Variants in ARL3 observed in about 807,000 individuals in gnomAD.
ARL3 encodes ADP-ribosylation factor-like protein 3.
A neutral mutation model predicts 26.0 loss-of-function variants in ARL3; 9 were observed. The observed-to-expected ratio is 0.35, with a 90% CI of 0.21 to 0.60. The LOEUF is 0.60. Among genes scored for constraint, ARL3 ranks in the 20% least tolerant of loss-of-function variants. The pLI is 0.78. For synonymous variants in ARL3, 71 were observed against 78.4 expected (o/e 0.91, Z 0.50); for missense variants, 158 against 215.7 (o/e 0.73, Z 1.67).
intron 2 of ARL3, 22 bp downstream of exon 2, chr10:102,705,324 C>A: frequency 1.3e-6 from 2 of 1,533,314 alleles, no homozygotes; most frequent in Non-Finnish European, 1.8e-6. Flanking sequence ...CACACGGCAT[C>A]TGGAGCCAAG....
intron 5 of ARL3, among the ~76,000 whole-genome samples, chr10:102,679,911 G>A (rs2064146958): frequency 6.6e-6 from 1 of 152,108 alleles, no homozygotes; most frequent in African/African-American, 2.4e-5. Flanking sequence ...TGCTTCTTAT[G>A]TTTAAATAAA....
intron 3 of ARL3, among the ~76,000 whole-genome samples, chr10:102,698,547 GCAA>G (rs1202705846): frequency 6.6e-6 from 1 of 152,180 alleles, no homozygotes; most frequent in African/African-American, 2.4e-5. Context: ...GTATGATTAT[GCAA>G]GTATGTGGCT....
intron 3 of ARL3, among the ~76,000 whole-genome samples, chr10:102,698,371 G>A (rs1341276203): frequency 6.6e-6 from 1 of 152,006 alleles, no homozygotes; most frequent in African/African-American, 2.4e-5. Flanking sequence ...ACCACACCTG[G>A]TCTAGATGAT....
intron 5 of ARL3, among the ~76,000 whole-genome samples, chr10:102,681,755 G>A (rs2064157135): frequency 6.6e-6 from 1 of 152,190 alleles, no homozygotes; most frequent in Middle Eastern, 3.2e-3. Context: ...ATGGCTAGAG[G>A]TCAGGTTAAA....
intron 1 of ARL3, among the ~76,000 whole-genome samples, chr10:102,709,757 G>A (rs1199081832): frequency 6.6e-6 from 1 of 152,052 alleles, no homozygotes; most frequent in Non-Finnish European, 1.5e-5. Context: ...ATAAGGCTGA[G>A]TGCAGTGGCT....
intron 3 of ARL3, among the ~76,000 whole-genome samples, chr10:102,691,096 T>G (rs149513633): frequency 2.0e-5 from 3 of 152,142 alleles, no homozygotes; most frequent in Non-Finnish European, 4.4e-5. Context: ...AGTCAATATT[T>G]TAGCCTCTGT....
At chr10:102,701,200 TA>T (rs945522943) in intron 2 of ARL3, among the ~76,000 whole-genome samples, 17 of 152,170 alleles carry the variant, frequency 1.1e-4, no homozygotes, top group African/African-American at 3.6e-4. Context: ...GAATTTTTTT[TA>T]AAGTCTTCTT....
chr10:102,712,466 C>T (rs1252193905), intron 1 of ARL3, among the ~76,000 whole-genome samples: 2 of 152,028 alleles, frequency 1.3e-5, no homozygotes, highest in East Asian at 3.9e-4. Context: ...TCTTATTGTT[C>T]ATCTTAGGAA....
At chr10:102,677,954 G>C (rs992196052) in intron 5 of ARL3, among the ~76,000 whole-genome samples, 4 of 151,982 alleles carry the variant, frequency 2.6e-5, no homozygotes, top group African/African-American at 9.7e-5. Context: ...GAACAGCTGA[G>C]ACAGCTTACA....
chr10:102,699,367 A>T lies in ARL3; in HGVS notation c.264+6T>A, dbSNP rs2064266007. 6.6e-7 allele frequency: 1 copy of T among 1,525,582 alleles called. No homozygotes were observed. The highest frequency in any genetic ancestry group is 9.1e-7 in the Non-Finnish European group (1 of 1,099,860). 94.5% of individuals were successfully genotyped at this position (1,525,582 alleles called of 1,614,324 possible). On this transcript the variant is annotated splice_donor_region_variant and intron_variant, in intron 3 of 5. Transcript: ENST00000260746. ...TATGAATTAGTGCGTCAGAAGGAGT[A>T]CTTACAAGAATATCGGTATTTTCAA...
chr10:102,706,279 G>A (rs1272384863), intron 1 of ARL3, among the ~76,000 whole-genome samples: 1 of 152,086 alleles, frequency 6.6e-6, no homozygotes, highest in Non-Finnish European at 1.5e-5. Context: ...GTGAAACCCT[G>A]TCTCTACAAA....
chr10:102,674,885 T>G lies in ARL3; in HGVS notation c.*2009A>C, dbSNP rs1179469695. ...CTGCTAGGAGAGGCCTTGGGATGGC[T>G]CTTTAAAACAGTCCCCTAAGTTGGT... On this transcript the variant is annotated 3_prime_UTR_variant, in exon 6 of 6. Coordinates refer to ENST00000260746, the MANE Select transcript of ARL3 (RefSeq NM_004311.4). The G allele has an allele frequency of 2.0e-5, 3 of 152,170 alleles. No individual in the cohort carries two copies. Among genetic ancestry groups the G allele is most frequent in the Non-Finnish European group, 4.4e-5 (3 of 68,030 alleles). 9.4% of individuals were successfully genotyped at this position (152,170 alleles called of 1,614,324 possible).
At chr10:102,682,713 T>C (rs2064161625) in intron 5 of ARL3, among the ~76,000 whole-genome samples, 1 of 152,262 alleles carries the variant, frequency 6.6e-6, no homozygotes, top group African/African-American at 2.4e-5. Flanking sequence ...GACAGGTCTC[T>C]TAAATATGTT....
intron 1 of ARL3, among the ~76,000 whole-genome samples, chr10:102,708,460 A>C (rs1428498977): frequency 6.6e-6 from 1 of 152,160 alleles, no homozygotes; most frequent in Non-Finnish European, 1.5e-5. Context: ...AAACATCTGG[A>C]ATTTATCAAA....
At chr10:102,684,879 G>A (rs2064174686) in intron 5 of ARL3, among the ~76,000 whole-genome samples, 1 of 151,346 alleles carries the variant, frequency 6.6e-6, no homozygotes, top group African/African-American at 2.4e-5. Context: ...CTGACCTCAG[G>A]TGATCCACCC....
At chr10:102,683,721 T>C (rs541449486) in intron 5 of ARL3, among the ~76,000 whole-genome samples, 1 of 152,246 alleles carries the variant, frequency 6.6e-6, no homozygotes, top group South Asian at 2.1e-4. Context: ...GCCTCTTTTG[T>C]GGCCTAAAGA....
intron 5 of ARL3, among the ~76,000 whole-genome samples, chr10:102,684,081 C>A (rs1200782864): frequency 6.6e-6 from 1 of 152,190 alleles, no homozygotes; most frequent in Non-Finnish European, 1.5e-5. Flanking sequence ...TGCACACAAA[C>A]TATATTGCTT....
In ARL3 at chr10:102,676,666, T is replaced by G. The variant is rs2064132277; in HGVS notation, c.*228A>C. ...GAGACATTTAATACTATTTCAATTA[T>G]GCAGAGGAAATAATATAATTCCTTT... is the stretch of plus-strand genomic sequence containing the variant. On this transcript the variant is annotated 3_prime_UTR_variant, in exon 6 of 6. Transcript: ENST00000260746. The G allele has an allele frequency of 4.2e-6, 2 of 476,120 alleles. No homozygotes were observed. Among genetic ancestry groups the G allele is most frequent in the African/African-American group, 2.0e-5 (1 of 50,068 alleles). 29.5% of individuals were successfully genotyped at this position (476,120 alleles called of 1,614,324 possible). A position where few individuals can be genotyped will look rare whatever the true frequency, so the allele number is the denominator to read the frequency against.
chr10:102,708,043 A>G (rs539761442), intron 1 of ARL3, among the ~76,000 whole-genome samples: 93 of 152,058 alleles, frequency 6.1e-4, no homozygotes, highest in Non-Finnish European at 1.1e-3. Context: ...CCTCTCCAGT[A>G]GCTGGGACTA....
Sources: allele counts gnomAD v4.1 joint callset (sites outside exome capture counted in the v4.1 genomes callset), GRCh38; gene constraint gnomAD v4.1.1; transcripts MANE v1.5; gene names NCBI Gene and HGNC (gene_info 2026-07-23, HGNC 2026-07-21).